PHLPP1: variants seen among roughly 807,000 people sequenced by gnomAD.
The protein encoded by PHLPP1 is PH domain leucine-rich repeat-containing protein phosphatase 1.
In PHLPP1, 42 loss-of-function variants were observed where a neutral mutation model predicts 117.2. The ratio of observed to expected loss-of-function variants is 0.36; its 90% CI spans 0.28 to 0.46. The LOEUF (loss-of-function observed/expected upper bound fraction) is 0.46. PHLPP1 is among the 20% of genes least tolerant of loss of function. The pLI is 1.00. For missense variants in PHLPP1, 2,084 were observed against 2,241.9 expected, an observed-to-expected ratio of 0.93 and a Z score of 1.42; for synonymous variants, 1,042 against 970.7, an observed-to-expected ratio of 1.07 and a Z score of -1.37.
intron 12 of PHLPP1, among the ~76,000 whole-genome samples, chr18:62,947,621 C>T (rs1444192723): frequency 2.6e-5 from 4 of 152,182 alleles, no homozygotes; most frequent in Non-Finnish European, 5.9e-5. Flanking sequence ...CAAGATTAAA[C>T]CTCCTATTTG....
chr18:62,801,436 A>G (rs549912659), intron 1 of PHLPP1, among the ~76,000 whole-genome samples: 1 of 151,744 alleles, frequency 6.6e-6, no homozygotes, highest in East Asian at 2.0e-4. Context: ...TGCTAAAGAG[A>G]TGCATCAAGC....
intron 3 of PHLPP1, among the ~76,000 whole-genome samples, chr18:62,858,611 A>T (rs1222745449): frequency 6.6e-6 from 1 of 152,100 alleles, no homozygotes; most frequent in Non-Finnish European, 1.5e-5. Context: ...TTTTAGCATC[A>T]GGAGAGTATG....
At chr18:62,769,173 A>G (rs1008510697) in intron 1 of PHLPP1, among the ~76,000 whole-genome samples, 2 of 152,220 alleles carry the variant, frequency 1.3e-5, no homozygotes, top group African/African-American at 4.8e-5. Flanking sequence ...GAAAGAAACA[A>G]AGTCAAGTGT....
intron 1 of PHLPP1, among the ~76,000 whole-genome samples, chr18:62,769,308 T>G (rs1188243091): frequency 6.6e-6 from 1 of 152,178 alleles, no homozygotes; most frequent in Non-Finnish European, 1.5e-5. Context: ...AAAGAGGATT[T>G]TATGTAATCC....
At chr18:62,829,859 T>G (rs758483657) in intron 1 of PHLPP1, among the ~76,000 whole-genome samples, 176 bp from the exon 2 acceptor site, 13 of 152,232 alleles carry the variant, frequency 8.5e-5, no homozygotes, top group Admixed American at 8.5e-4. Flanking sequence ...CATGTGGAGA[T>G]GTAGTTCTTA....
chr18:62,905,852 G>A (rs528005280), intron 8 of PHLPP1, among the ~76,000 whole-genome samples: 3 of 152,206 alleles, frequency 2.0e-5, no homozygotes, highest in East Asian at 1.9e-4. Flanking sequence ...ATGGTAATTT[G>A]CTTCTGCAGT....
Position 62,793,010 on chromosome 18 carries a change from A to T in PHLPP1, c.1577-37025A>T, listed in dbSNP as rs1261552564. On this transcript the variant is annotated intron_variant, in intron 1 of 16. Coordinates refer to ENST00000262719, the MANE Select transcript of PHLPP1 (RefSeq NM_194449.4). Reference sequence around the variant, plus strand: ...GCCAACATGGTGTAACCCTGTCTCTACTAAAAATACAAAAATTAGCTGGGC... The same window carrying T: ...GCCAACATGGTGTAACCCTGTCTCTTCTAAAAATACAAAAATTAGCTGGGC... Among the ~76,000 whole-genome samples the T allele has an allele frequency of 4.0e-5, 6 of 151,830 alleles. No homozygotes were observed. In the South Asian group the frequency reaches 6.2e-4, roughly 16 times the overall value.
At chr18:62,860,890 T>C (rs1182673283) in intron 4 of PHLPP1, among the ~76,000 whole-genome samples, 3 of 152,212 alleles carry the variant, frequency 2.0e-5, no homozygotes, top group East Asian at 1.9e-4. Flanking sequence ...TAAAAATGCA[T>C]GTGCAAAAAA....
intron 4 of PHLPP1, among the ~76,000 whole-genome samples, chr18:62,861,260 C>T (rs1028764190): frequency 1.1e-4 from 17 of 152,144 alleles, no homozygotes; most frequent in African/African-American, 2.4e-4. Context: ...CAGGCGCCCA[C>T]GCCCTCTTAA....
At chr18:62,972,485 C>G (rs752953649) in intron 14 of PHLPP1, 29 bp from the exon 15 acceptor site, 1 of 1,600,840 alleles carries the variant, frequency 6.2e-7, no homozygotes, top group African/African-American at 1.3e-5. Context: ...GATGAGTGGA[C>G]TCAGCACAGA....
chr18:62,832,653 C>T (rs911406627), intron 2 of PHLPP1, among the ~76,000 whole-genome samples: 1 of 152,098 alleles, frequency 6.6e-6, no homozygotes, highest in African/African-American at 2.4e-5. Context: ...TAATTGACTA[C>T]ATTGAAAAAT....
intron 1 of PHLPP1, among the ~76,000 whole-genome samples, chr18:62,777,474 C>T (rs1339509920): frequency 1.3e-5 from 2 of 150,154 alleles, no homozygotes; most frequent in Non-Finnish European, 3.0e-5. Context: ...TTATCCTATT[C>T]TGTGGTTTCT....
At chr18:62,807,122 A>G (rs1913973325) in intron 1 of PHLPP1, among the ~76,000 whole-genome samples, 2 of 152,000 alleles carry the variant, frequency 1.3e-5, no homozygotes, top group African/African-American at 4.8e-5. Flanking sequence ...TTTTGGGATT[A>G]TTTCAATCTT....
At chr18:62,961,183 C>A (rs1910757025) in intron 13 of PHLPP1, among the ~76,000 whole-genome samples, 1 of 152,198 alleles carries the variant, frequency 6.6e-6, no homozygotes, top group Admixed American at 6.5e-5. Flanking sequence ...GCAATCCCAG[C>A]TACTCAGGAG....
At chr18:62,925,742 A>T (rs567601203) in intron 10 of PHLPP1, among the ~76,000 whole-genome samples, 6 of 152,344 alleles carry the variant, frequency 3.9e-5, no homozygotes, top group Admixed American at 1.3e-4. Flanking sequence ...TGATGTTTTC[A>T]GAGTCACAGT....
In PHLPP1 at chr18:62,979,735, T is replaced by C; in HGVS notation, c.*304T>C. On this transcript the variant is annotated 3_prime_UTR_variant, in exon 17 of 17. Coordinates refer to ENST00000262719, the MANE Select transcript of PHLPP1 (RefSeq NM_194449.4). ...ATTACAGAGAAACAGTTAATGATAA[T>C]GTAATATTTTTTAAAATGGCTTTTT... 1 of 285,494 alleles carries C rather than the reference T, an allele frequency of 3.5e-6. No homozygotes were observed. Among genetic ancestry groups the C allele is most frequent in the Non-Finnish European group, 6.5e-6 (1 of 154,920 alleles). 17.7% of individuals were successfully genotyped at this position (285,494 alleles called of 1,614,324 possible). A position where few individuals can be genotyped will look rare whatever the true frequency, so the allele number is the denominator to read the frequency against.
intron 4 of PHLPP1, among the ~76,000 whole-genome samples, chr18:62,885,491 C>G (rs1159254451): frequency 6.6e-6 from 1 of 152,092 alleles, no homozygotes; most frequent in Non-Finnish European, 1.5e-5. Flanking sequence ...GAAACCCTGT[C>G]TCTACTAAAA....
At chr18:62,744,241 C>T (rs1483070835) in intron 1 of PHLPP1, among the ~76,000 whole-genome samples, 6 of 152,324 alleles carry the variant, frequency 3.9e-5, no homozygotes, top group East Asian at 1.9e-4. Flanking sequence ...GGCGCATGCC[C>T]GCACCTGGTG....
At chr18:62,722,524 T>C (rs577209492) in intron 1 of PHLPP1, among the ~76,000 whole-genome samples, 1 of 152,192 alleles carries the variant, frequency 6.6e-6, no homozygotes, top group Non-Finnish European at 1.5e-5. Flanking sequence ...TTCCACCTTC[T>C]AAACCCATTC....
Sources: allele counts gnomAD v4.1 joint callset (sites outside exome capture counted in the v4.1 genomes callset), GRCh38; gene constraint gnomAD v4.1.1; transcripts MANE v1.5; gene names NCBI Gene and HGNC (gene_info 2026-07-23, HGNC 2026-07-21).